ZNF484: variants seen among roughly 807,000 people sequenced by gnomAD.
ZNF484 encodes KRAB box containing C2H2 type zinc finger bA526D8.4.
ZNF484 carries 11 observed loss-of-function variants against 12.9 expected under a neutral mutation model. That is an observed-to-expected ratio of 0.85 (90% confidence interval 0.54 to 1.41). ZNF484 has a LOEUF of 1.41. ZNF484 is among the 40% of genes most tolerant of loss of function. ZNF484 has a pLI of 0.00. For missense variants in ZNF484, 807 were observed against 1,007.7 expected (o/e 0.80, Z 2.70); for synonymous variants, 289 against 334.1 (o/e 0.86, Z 1.47).
chr9:92,869,057 G>A (rs978431125), intron 2 of ZNF484, among the ~76,000 whole-genome samples: 12 of 152,010 alleles, frequency 7.9e-5, no homozygotes, highest in Admixed American at 7.2e-4. Context: ...GATTTGGAGA[G>A]GATAAATATC....
Position 92,846,798 on chromosome 9 carries a change from AG to A in ZNF484, c.1988del (p.Pro663LeufsTer45). Reference sequence around the variant, plus strand: ...CTTTCCCACAGTCACTACATTTATAAGGTTTCTCTCCAGTGTGAATTTTCTG... The same window carrying A: ...CTTTCCCACAGTCACTACATTTATAAGTTTCTCTCCAGTGTGAATTTTCTG... ...THQKIHTGEK[P>X]YKCSDCGKAF... On this transcript the variant is annotated frameshift_variant, in exon 5 of 5. Coordinates refer to ENST00000375495, the MANE Select transcript of ZNF484 (RefSeq NM_031486.4). LOFTEE classifies it low-confidence loss of function (END_TRUNC). The A allele has an allele frequency of 6.2e-7, 1 of 1,613,534 alleles. No homozygotes were observed. The highest frequency in any genetic ancestry group is 1.1e-5 in the South Asian group (1 of 91,058).
At position 92,856,328 on chromosome 9, in the gene ZNF484, A is replaced by G. The variant is rs1856452887; in HGVS notation, c.16-10T>C. On this transcript the variant is annotated splice_polypyrimidine_tract_variant and intron_variant, in intron 2 of 4. Coordinates refer to ENST00000375495, the MANE Select transcript of ZNF484 (RefSeq NM_031486.4). ...TGAATGACACTGATTCCTGTTAAAAAAAAAAAACAAACTTTAAAATAATTT... is the reference window on the plus strand; with the variant it reads ...TGAATGACACTGATTCCTGTTAAAAGAAAAAAACAAACTTTAAAATAATTT... 1 of 1,539,638 alleles carries G rather than the reference A, an allele frequency of 6.5e-7. No individual in the cohort carries two copies. The highest frequency in any genetic ancestry group is 1.3e-5 in the South Asian group (1 of 76,622).
chr9:92,846,214 G>A lies in ZNF484; in HGVS notation c.*14C>T. The A allele has an allele frequency of 6.2e-7, 1 of 1,606,546 alleles. No individual in the cohort carries two copies. Among genetic ancestry groups the A allele is most frequent in the African/African-American group, 1.3e-5 (1 of 74,638 alleles). ...TACACATCAGCTATATGATCCAGAT[G>A]TTCATAATTCTAACTAGATAGAAGA... On this transcript the variant is annotated 3_prime_UTR_variant, in exon 5 of 5. Coordinates refer to ENST00000375495, the MANE Select transcript of ZNF484 (RefSeq NM_031486.4).
At position 92,846,793 on chromosome 9, in the gene ZNF484, T is replaced by G. The variant is rs1215465944; in HGVS notation, c.1994A>C (p.Lys665Thr). 1.9e-6 allele frequency: 3 copies of G among 1,614,026 alleles called. No homozygotes were observed. Among genetic ancestry groups the G allele is most frequent in the Admixed American group, 1.7e-5 (1 of 60,014 alleles). Reference sequence around the variant, plus strand: ...GAAGGCTTTCCCACAGTCACTACATTTATAAGGTTTCTCTCCAGTGTGAAT... The same window carrying G: ...GAAGGCTTTCCCACAGTCACTACATGTATAAGGTTTCTCTCCAGTGTGAAT... ...QKIHTGEKPYKCSDCGKAFTR... is the reference protein window; with the variant it reads ...QKIHTGEKPYTCSDCGKAFTR... Residue 665 changes from lysine to threonine, a missense_variant, in exon 5 of 5, where the codon AAA (lysine) becomes ACA (threonine). By Grantham distance (78) the Lys-to-Thr change is moderately conservative (BLOSUM62 -1). Coordinates refer to ENST00000375495, the MANE Select transcript of ZNF484 (RefSeq NM_031486.4).
Position 92,846,816 on chromosome 9 carries a change from A to G in ZNF484, c.1971T>C (p.Ile657=). 1 of 1,613,932 alleles carries G rather than the reference A, an allele frequency of 6.2e-7. No individual in the cohort carries two copies. The highest frequency in any genetic ancestry group is 8.5e-7 in the Non-Finnish European group (1 of 1,179,982). Residue 657 remains isoleucine, a synonymous_variant, in exon 5 of 5, where the codon ATT becomes ATC. Transcript: ENST00000375495. ...ATTTATAAGGTTTCTCTCCAGTGTGAATTTTCTGGTGTGTAAAGAGATTTG... is the reference window on the plus strand; with the variant it reads ...ATTTATAAGGTTTCTCTCCAGTGTGGATTTTCTGGTGTGTAAAGAGATTTG... ...DRSNLFTHQK[I]HTGEKPYKCS...
intron 4 of ZNF484, among the ~76,000 whole-genome samples, chr9:92,851,672 C>G (rs777789975): frequency 2.6e-5 from 4 of 152,244 alleles, no homozygotes; most frequent in Admixed American, 1.3e-4. Flanking sequence ...TAACACACAT[C>G]TTTCCATTAG....
chr9:92,876,047 G>A (rs1374720742), intron 1 of ZNF484, among the ~76,000 whole-genome samples: 1 of 107,838 alleles, frequency 9.3e-6, no homozygotes, highest in African/African-American at 4.9e-5. Context: ...GAGAAACACT[G>A]GAAGAAGTCC....
rs370929986 is a variant in ZNF484 at position 92,848,554 on chromosome 9, A to C, written c.236-3T>G. ...AGGTCCAAAACCAATGTCCCCATCT[A>C]AAAAAGAAAGAAAAGATAAGACTGA... is the stretch of plus-strand genomic sequence containing the variant. On this transcript the variant is annotated splice_region_variant and splice_polypyrimidine_tract_variant and intron_variant, in intron 4 of 4. Transcript: ENST00000375495. This position sits in a 1 kb window ranked among gnomAD's most constrained non-coding sequence, Gnocchi z 4.1. 1.1e-4 allele frequency: 167 copies of C among 1,564,368 alleles called. No individual in the cohort carries two copies. Among genetic ancestry groups the C allele is most frequent in the Non-Finnish European group, 1.1e-4 (132 of 1,165,056 alleles).
intron 4 of ZNF484, among the ~76,000 whole-genome samples, chr9:92,849,118 G>A (rs187722290): frequency 2.2e-4 from 34 of 151,320 alleles, no homozygotes; most frequent in East Asian, 5.9e-4. Context: ...AAAATTAGCC[G>A]GACATGGTGG....
intron 1 of ZNF484, 97 bp from the exon 2 acceptor site, chr9:92,875,156 C>A (rs1450428408): frequency 1.0e-6 from 1 of 984,662 alleles, no homozygotes; most frequent in Non-Finnish European, 1.5e-6. Flanking sequence ...GCACCTTACT[C>A]AAAAATTTAT....
In ZNF484 at chr9:92,846,362, A is replaced by G; in HGVS notation, c.2425T>C (p.Leu809=). The G allele has an allele frequency of 6.2e-7, 1 of 1,614,164 alleles. No homozygotes were observed. The highest frequency in any genetic ancestry group is 8.5e-7 in the Non-Finnish European group (1 of 1,180,006). ...GGCTTCCAGTTTAAGGCTTTCCCCA[A>G]GTCACTGCACTTATAGGGTTTCTGT... ...TKQKPYKCSD[L]GKALNWKPQL... The change falls in exon 5 of 5, where the codon TTG becomes CTG. Residue 809 remains leucine, a synonymous_variant. Transcript: ENST00000375495.
At position 92,877,989 on chromosome 9, in the gene ZNF484, G is replaced by C; in HGVS notation, c.-130C>G. 1.1e-6 allele frequency: 1 copy of C among 895,014 alleles called. No individual in the cohort carries two copies. The highest frequency in any genetic ancestry group is 1.7e-6 in the Non-Finnish European group (1 of 591,444). The allele number at this position is 895,014 out of a possible 1,614,324, so 55.4% of individuals were successfully genotyped here. ...CAGGACCCACTTCCTTTTTCTCAAT[G>C]CCTCCCAGGCCTAGAGGTACTTCTT... On this transcript the variant is annotated 5_prime_UTR_variant, in exon 1 of 5. Coordinates refer to ENST00000375495, the MANE Select transcript of ZNF484 (RefSeq NM_031486.4).
rs1855685404 is a variant in ZNF484, at chr9:92,847,201, C to T, written c.1586G>A (p.Cys529Tyr). 1 of 1,614,026 alleles carries T rather than the reference C, an allele frequency of 6.2e-7. No individual in the cohort carries two copies. The highest frequency in any genetic ancestry group is 8.5e-7 in the Non-Finnish European group (1 of 1,180,046). The change falls in exon 5 of 5, where the codon TGT becomes TAT. Residue 529 changes from cysteine to tyrosine, a missense_variant. By Grantham distance (194) the Cys-to-Tyr change is radical. Transcript: ENST00000375495. Reference sequence around the variant, plus strand: ...AGACTTCCAGGTGAATGATTTTCCACAGTCGCTGCATTTATAAGGTTTCTC... The same window carrying T: ...AGACTTCCAGGTGAATGATTTTCCATAGTCGCTGCATTTATAAGGTTTCTC... ...TGEKPYKCSD[C>Y]GKSFTWKSRL...
intron 2 of ZNF484, among the ~76,000 whole-genome samples, chr9:92,861,075 G>A (rs1856758466): frequency 1.3e-5 from 2 of 152,194 alleles, no homozygotes; most frequent in South Asian, 4.1e-4. Flanking sequence ...AAAAATGAGG[G>A]AGACCAAAAT....
Position 92,846,013 on chromosome 9 carries a change from C to A in ZNF484, c.*215G>T. 3.6e-6 allele frequency: 2 copies of A among 552,896 alleles called. No individual in the cohort carries two copies. The highest frequency in any genetic ancestry group is 6.3e-6 in the Non-Finnish European group (2 of 317,258). The allele number at this position is 552,896 out of a possible 1,614,324, so 34.2% of individuals were successfully genotyped here. ...GGTACCCAGAACATGAAAAACTCAA[C>A]AGCCATGAATTTATAAAACTGTTTG... On this transcript the variant is annotated 3_prime_UTR_variant, in exon 5 of 5. Coordinates refer to ENST00000375495, the MANE Select transcript of ZNF484 (RefSeq NM_031486.4).
At position 92,846,259 on chromosome 9, in the gene ZNF484, T is replaced by A. The variant is rs1373039675; in HGVS notation, c.2528A>T (p.Glu843Val). ...AGAAGAAAGTTGGCCTTGGTCACCT[T>A]CTGAGTCCCCACACCATAATTGTGG... ...SMPQLWCGDS[E>V]GDQGQLSSI The change falls in exon 5 of 5, where the codon GAA (glutamate) becomes GTA (valine). Residue 843 changes from glutamate (E) to valine (V), a missense_variant. Physicochemically the swap from Glu to Val is moderately radical, Grantham distance 121. Transcript: ENST00000375495. 6.2e-7 allele frequency: 1 copy of A among 1,613,760 alleles called. No individual in the cohort carries two copies. Among genetic ancestry groups the A allele is most frequent in the African/African-American group, 1.3e-5 (1 of 75,040 alleles).
chr9:92,849,724 G>C (rs1587730260), intron 4 of ZNF484, among the ~76,000 whole-genome samples: 1 of 152,218 alleles, frequency 6.6e-6, no homozygotes, highest in Non-Finnish European at 1.5e-5. Context: ...CCAGGTGTTT[G>C]AAGCTGCAGT....
chr9:92,851,852 G>T (rs955315794), intron 4 of ZNF484, among the ~76,000 whole-genome samples: 1 of 152,144 alleles, frequency 6.6e-6, no homozygotes, highest in Non-Finnish European at 1.5e-5. Flanking sequence ...CAACTCTAGA[G>T]AGGCTCTCTT....
In ZNF484 at chr9:92,877,965, A is replaced by G; in HGVS notation, c.-106T>C. On this transcript the variant is annotated 5_prime_UTR_variant, in exon 1 of 5. Transcript: ENST00000375495. Reference sequence around the variant, plus strand: ...TGACTATAGTCGCAAGAACCAGAACAGGACCCACTTCCTTTTTCTCAATGC... The same window carrying G: ...TGACTATAGTCGCAAGAACCAGAACGGGACCCACTTCCTTTTTCTCAATGC... 1 of 1,219,550 alleles carries G rather than the reference A, an allele frequency of 8.2e-7. No individual in the cohort carries two copies. The highest frequency in any genetic ancestry group is 1.1e-6 in the Non-Finnish European group (1 of 872,968). 75.5% of individuals were successfully genotyped at this position (1,219,550 alleles called of 1,614,324 possible). A position where few individuals can be genotyped will look rare whatever the true frequency, so the allele number is the denominator to read the frequency against.
Sources: allele counts gnomAD v4.1 joint callset (sites outside exome capture counted in the v4.1 genomes callset), GRCh38; gene constraint gnomAD v4.1.1; non-coding constraint Gnocchi (gnomAD v3.1); transcripts MANE v1.5; gene names NCBI Gene and HGNC (gene_info 2026-07-23, HGNC 2026-07-21).